SHROOM2: variants seen among roughly 807,000 people sequenced by gnomAD.
The protein encoded by SHROOM2 is protein Shroom2.
Under a neutral mutation model 75.9 loss-of-function variants are expected in SHROOM2, and 33 were observed. That is an observed-to-expected ratio of 0.43 (90% confidence interval 0.33 to 0.58). The LOEUF is 0.58. SHROOM2 is among the 20% of genes least tolerant of loss of function. The pLI, the probability that SHROOM2 is intolerant of heterozygous loss-of-function variation, is 0.04. For synonymous variants in SHROOM2, 655 were observed against 663.6 expected, an observed-to-expected ratio of 0.99 and a Z score of 0.20; for missense variants, 1,434 against 1,461.2, an observed-to-expected ratio of 0.98 and a Z score of 0.30.
chrX:9,794,348 G>GTCTTCTCTTC (rs60316813), intron 1 of SHROOM2, among the ~76,000 whole-genome samples: 3 of 110,472 alleles, frequency 2.7e-5, no homozygotes, highest in Non-Finnish European at 3.8e-5. Context: ...TAATAAATTA[G>GTCTTCTCTTC]TCTTCTCTTC....
intron 8 of SHROOM2, among the ~76,000 whole-genome samples, chrX:9,941,493 C>T (rs1165651232): frequency 2.7e-5 from 3 of 111,746 alleles, no homozygotes; most frequent in Non-Finnish European, 5.6e-5. Flanking sequence ...GGCCCTTTAA[C>T]AAAGGGGAAA....
chrX:9,794,633 T>C lies in SHROOM2; in HGVS notation c.165+7923T>C, dbSNP rs772797468. Among the ~76,000 whole-genome samples, 3 of 111,770 alleles carry C rather than the reference T, an allele frequency of 2.7e-5. No individual in the cohort carries two copies. In the South Asian group the frequency reaches 1.1e-3, roughly 41 times the overall value. On this transcript the variant is annotated intron_variant, in intron 1 of 9. Transcript: ENST00000380913. ...ATCCGCCCACCTCAGCCTCCCAAAGTGCTGGGGATTACAGACATGAGCCAC... is the reference window on the plus strand; with the variant it reads ...ATCCGCCCACCTCAGCCTCCCAAAGCGCTGGGGATTACAGACATGAGCCAC...
chrX:9,947,313 C>T lies in SHROOM2; in HGVS notation c.*376C>T, dbSNP rs947272624. Reference sequence around the variant, plus strand: ...AGCCAACTGCTTGGACAGCAGCCAGCGCGTCATGACGTGCATGAGAGGGGG... The same window carrying T: ...AGCCAACTGCTTGGACAGCAGCCAGTGCGTCATGACGTGCATGAGAGGGGG... On this transcript the variant is annotated 3_prime_UTR_variant, in exon 10 of 10. Transcript: ENST00000380913. 8 of 186,030 alleles carry T rather than the reference C, an allele frequency of 4.3e-5. No individual in the cohort carries two copies. In the South Asian group the frequency reaches 6.1e-4, roughly 14 times the overall value. The allele number at this position is 186,030 out of a possible 1,213,427, so 15.3% of individuals were successfully genotyped here.
At chrX:9,851,450 TTTTTTTTTC>T (rs1429764572) in intron 1 of SHROOM2, among the ~76,000 whole-genome samples, 17 of 73,203 alleles carry the variant, frequency 2.3e-4, no homozygotes, top group Non-Finnish European at 4.0e-4. Flanking sequence ...ATATTGCTTT[TTTTTTTTTC>T]TTTTTTTTTT....
chrX:9,786,783 C>T, intron 1 of SHROOM2, 73 bp downstream of exon 1: 2 of 759,224 alleles, frequency 2.6e-6, no homozygotes, highest in South Asian at 7.2e-5. Flanking sequence ...GAGGTAGGGG[C>T]GCGGGAGGGG....
intron 8 of SHROOM2, among the ~76,000 whole-genome samples, chrX:9,941,004 C>T (rs976901705): frequency 2.7e-5 from 3 of 111,813 alleles, no homozygotes; most frequent in African/African-American, 6.5e-5. Context: ...AGAAGCATCA[C>T]GCAGAGATGA....
At chrX:9,877,158 G>A (rs1028265654) in intron 2 of SHROOM2, among the ~76,000 whole-genome samples, 13 of 112,063 alleles carry the variant, frequency 1.2e-4, no homozygotes, top group African/African-American at 2.9e-4. Flanking sequence ...CATGGGCAAC[G>A]TGGACCTTGT....
At chrX:9,885,186 C>G (rs1292079556) in intron 2 of SHROOM2, among the ~76,000 whole-genome samples, 1 of 112,149 alleles carries the variant, frequency 8.9e-6, no homozygotes, top group Non-Finnish European at 1.9e-5. Context: ...ACATGTCTGT[C>G]CTGCACATGA....
At chrX:9,916,201 CAG>C (rs1446618233) in intron 5 of SHROOM2, among the ~76,000 whole-genome samples, 2 of 112,251 alleles carry the variant, frequency 1.8e-5, no homozygotes, top group Admixed American at 9.5e-5. Flanking sequence ...TCCTATCACC[CAG>C]AGTCTCCGCT....
intron 1 of SHROOM2, 151 bp downstream of exon 1, chrX:9,786,861 G>C (rs2083616564): frequency 3.0e-6 from 1 of 333,378 alleles, no homozygotes; most frequent in African/African-American, 2.8e-5. Context: ...CTGGGCGCCG[G>C]GACCGGCGTG....
At chrX:9,907,248 C>G (rs1353502270) in intron 5 of SHROOM2, among the ~76,000 whole-genome samples, 1 of 111,403 alleles carries the variant, frequency 9.0e-6, no homozygotes, top group Non-Finnish European at 1.9e-5. Context: ...GTCAGCCCTG[C>G]CTCCTGTTTA....
rs1397161759 is a variant in SHROOM2 at position 9,894,654 on chromosome X, G to C, written c.746G>C (p.Gly249Ala). The C allele has an allele frequency of 8.3e-7, 1 of 1,211,521 alleles. No individual in the cohort carries two copies. The highest frequency in any genetic ancestry group is 1.1e-6 in the Non-Finnish European group (1 of 895,263). Residue 249 changes from glycine (G) to alanine (A), a missense_variant, in exon 4 of 10, where the codon GGC becomes GCC. Coordinates refer to ENST00000380913, the MANE Select transcript of SHROOM2 (RefSeq NM_001649.4). ...VGLWEAPRQG[G>A]RQAQAAGDPQ... is the part of the protein sequence containing the mutation. ...CTCTGGGAGGCTCCCAGGCAGGGTGGCCGGCAGGCCCAGGCCGCAGGCGAC... is the reference window on the plus strand; with the variant it reads ...CTCTGGGAGGCTCCCAGGCAGGGTGCCCGGCAGGCCCAGGCCGCAGGCGAC...
chrX:9,835,723 T>A (rs1362096287), intron 1 of SHROOM2, among the ~76,000 whole-genome samples: 1 of 104,571 alleles, frequency 9.6e-6, no homozygotes, highest in Non-Finnish European at 1.9e-5. Flanking sequence ...CTGGCTCTCT[T>A]CATGTTTTTT....
At chrX:9,812,444 G>A (rs773576211) in intron 1 of SHROOM2, among the ~76,000 whole-genome samples, 5 of 112,193 alleles carry the variant, frequency 4.5e-5, no homozygotes, top group South Asian at 3.7e-4. Context: ...CCCACTAAGC[G>A]TTGTTGTGCC....
intron 1 of SHROOM2, among the ~76,000 whole-genome samples, chrX:9,808,840 G>A (rs1031540270): frequency 3.6e-5 from 4 of 110,144 alleles, no homozygotes; most frequent in Non-Finnish European, 7.6e-5. Context: ...CCAGCCTGGG[G>A]GACAAGAGTG....
chrX:9,871,119 A>C lies in SHROOM2; in HGVS notation c.166-2533A>C, dbSNP rs1287784064. On this transcript the variant is annotated intron_variant, in intron 1 of 9. Transcript: ENST00000380913. ...TCTTCCTTGGAATCCCTGGACCCCC[A>C]GATGTCTGTAACTTGCCTCCTTATA... Among the ~76,000 whole-genome samples the C allele has an allele frequency of 2.7e-5, 3 of 111,604 alleles. No individual in the cohort carries two copies. The East Asian group carries it at 8.4e-4, about 31-fold the overall frequency.
intron 5 of SHROOM2, among the ~76,000 whole-genome samples, chrX:9,911,363 G>GA (rs759811398): frequency 1.8e-5 from 2 of 112,091 alleles, no homozygotes; most frequent in African/African-American, 3.2e-5. Context: ...CGATATGGGG[G>GA]AAAAAAATCT....
rs1891167476 is a variant in SHROOM2, at chrX:9,801,889, G to A, written c.165+15179G>A. Among the ~76,000 whole-genome samples the A allele has an allele frequency of 2.7e-5, 3 of 111,365 alleles. No individual in the cohort carries two copies. In the Admixed American group the frequency reaches 2.9e-4, roughly 11 times the overall value. On this transcript the variant is annotated intron_variant, in intron 1 of 9. Coordinates refer to ENST00000380913, the MANE Select transcript of SHROOM2 (RefSeq NM_001649.4). ...GAGGATCACCTGAGCCCAGGAGGTT[G>A]AGGCTGCGGTGAGCTGTGATTGTGC...
At chrX:9,945,258 G>A (rs905724189) in intron 9 of SHROOM2, among the ~76,000 whole-genome samples, 1 of 110,369 alleles carries the variant, frequency 9.1e-6, no homozygotes, top group Non-Finnish European at 1.9e-5. Context: ...CCAGGTGCAT[G>A]CCACCATGCC....
Sources: gnomAD v4.1 joint callset for allele counts (sites outside exome capture counted in the v4.1 genomes callset) on GRCh38, gnomAD v4.1.1 for gene constraint, MANE v1.5 for transcripts, NCBI Gene and HGNC (gene_info 2026-07-23, HGNC 2026-07-21) for gene names.